SKAP1: variants seen among roughly 807,000 people sequenced by gnomAD.
SKAP1 encodes the protein src kinase-associated phosphoprotein 1.
A neutral mutation model predicts 58.5 loss-of-function variants in SKAP1; 44 were observed. The observed-to-expected ratio is 0.75, with a 90% CI of 0.59 to 0.97. The LOEUF is 0.97. Among genes scored for constraint, SKAP1 ranks in the 50% least tolerant of loss-of-function variants. SKAP1 has a pLI of 0.00. For synonymous variants in SKAP1, 127 were observed against 149.7 expected (o/e 0.85, Z 1.11); for missense variants, 390 against 435.2 (o/e 0.90, Z 0.92).
intron 4 of SKAP1, among the ~76,000 whole-genome samples, chr17:48,278,248 C>T (rs573992390): frequency 3.9e-5 from 6 of 152,136 alleles, no homozygotes; most frequent in South Asian, 2.1e-4. Context: ...GGGCAGAGAA[C>T]GGACTCTCTT....
intron 4 of SKAP1, among the ~76,000 whole-genome samples, chr17:48,210,969 T>C (rs2064864728): frequency 6.6e-6 from 1 of 152,098 alleles, no homozygotes; most frequent in African/African-American, 2.4e-5. Flanking sequence ...AATAGAGGCC[T>C]TAACAAAATA....
chr17:48,423,583 CT>C (rs375599958), intron 1 of SKAP1, among the ~76,000 whole-genome samples: 2,860 of 151,598 alleles, frequency 0.019, 75 homozygotes, highest in African/African-American at 0.064. Flanking sequence ...GAGGAACCAA[CT>C]TTTTTTTTGT....
At chr17:48,172,553 T>C (rs1423277709) in intron 9 of SKAP1, among the ~76,000 whole-genome samples, 4 of 152,180 alleles carry the variant, frequency 2.6e-5, no homozygotes, top group Non-Finnish European at 5.9e-5. Context: ...ACTCTCTCAC[T>C]CACACATATA....
chr17:48,156,412 T>C (rs771934122), intron 11 of SKAP1: 1 of 438,250 alleles, frequency 2.3e-6, no homozygotes, highest in East Asian at 7.6e-5. Flanking sequence ...GAGCCATTGG[T>C]TACGTATGAG....
intron 4 of SKAP1, among the ~76,000 whole-genome samples, chr17:48,315,314 T>G (rs1345487144): frequency 6.6e-6 from 1 of 152,188 alleles, no homozygotes; most frequent in African/African-American, 2.4e-5. Context: ...ATTCTTAATG[T>G]GGTATCTGTG....
At chr17:48,134,044 T>C (rs1297139933) in intron 12 of SKAP1, among the ~76,000 whole-genome samples, 2 of 149,580 alleles carry the variant, frequency 1.3e-5, no homozygotes, top group East Asian at 3.8e-4. Flanking sequence ...CAAATTTGGC[T>C]CCCATTCTTT....
At chr17:48,351,633 T>A (rs1219548815) in intron 3 of SKAP1, among the ~76,000 whole-genome samples, 3 of 152,176 alleles carry the variant, frequency 2.0e-5, no homozygotes, top group African/African-American at 7.2e-5. Context: ...AAGAAGTAAA[T>A]TGAACCTAAG....
intron 4 of SKAP1, among the ~76,000 whole-genome samples, chr17:48,240,195 A>G (rs1412202359): frequency 6.6e-6 from 1 of 152,084 alleles, no homozygotes; most frequent in African/African-American, 2.4e-5. Flanking sequence ...AAAAAAAGCC[A>G]AAGCTGCAAG....
intron 3 of SKAP1, among the ~76,000 whole-genome samples, chr17:48,356,770 A>G (rs575761456): frequency 6.6e-6 from 1 of 152,328 alleles, no homozygotes; most frequent in South Asian, 2.1e-4. Flanking sequence ...AAATAGTACC[A>G]AAGAATATTC....
chr17:48,309,643 C>G (rs887114851), intron 4 of SKAP1, among the ~76,000 whole-genome samples: 3 of 152,130 alleles, frequency 2.0e-5, no homozygotes, highest in Admixed American at 2.0e-4. Flanking sequence ...AACCTCCCAT[C>G]TATTTGGAAA....
At chr17:48,195,332 A>G (rs1408911984) in intron 4 of SKAP1, among the ~76,000 whole-genome samples, 4 of 152,198 alleles carry the variant, frequency 2.6e-5, no homozygotes, top group African/African-American at 9.7e-5. Flanking sequence ...AGTTGGTTTC[A>G]ATGACTATTC....
intron 3 of SKAP1, among the ~76,000 whole-genome samples, chr17:48,347,105 G>C (rs907641247): frequency 1.1e-4 from 16 of 152,182 alleles, no homozygotes; most frequent in African/African-American, 3.9e-4. Flanking sequence ...GAAGATGTTA[G>C]CTCATTCAGA....
chr17:48,382,064 C>A (rs1425070853), intron 2 of SKAP1, among the ~76,000 whole-genome samples: 1 of 152,010 alleles, frequency 6.6e-6, no homozygotes, highest in Non-Finnish European at 1.5e-5. Context: ...GTTTTCTCAT[C>A]TGCTATATAG....
intron 3 of SKAP1, among the ~76,000 whole-genome samples, chr17:48,363,092 C>A (rs749747649): frequency 6.6e-6 from 1 of 151,992 alleles, no homozygotes; most frequent in Non-Finnish European, 1.5e-5. Context: ...TGTTTGAATT[C>A]GGAAAAAAAT....
At chr17:48,203,470 A>G (rs6504101) in intron 4 of SKAP1, among the ~76,000 whole-genome samples, 127,453 of 152,222 alleles carry the variant, frequency 0.84, 53,427 homozygotes, top group East Asian at 0.95. Context: ...CAAAAGCAGA[A>G]TAGCTCTTCC....
chr17:48,171,231 C>T (rs1209905694), intron 9 of SKAP1, among the ~76,000 whole-genome samples: 1 of 151,034 alleles, frequency 6.6e-6, no homozygotes, highest in Non-Finnish European at 1.5e-5. Flanking sequence ...CTCAGCCTCC[C>T]GAGTAGCTGG....
intron 11 of SKAP1, among the ~76,000 whole-genome samples, chr17:48,138,765 C>G (rs747100266): frequency 1.2e-4 from 18 of 152,120 alleles, no homozygotes; most frequent in Admixed American, 2.6e-4. Flanking sequence ...ATCCACCAGC[C>G]TCGGCCTTGC....
chr17:48,376,348 G>A (rs545121976), intron 2 of SKAP1, among the ~76,000 whole-genome samples: 2 of 152,088 alleles, frequency 1.3e-5, no homozygotes, highest in Non-Finnish European at 2.9e-5. Flanking sequence ...TTATCTGATC[G>A]CACCATAGGA....
chr17:48,389,883 TG>T, intron 2 of SKAP1, among the ~76,000 whole-genome samples: 1 of 152,308 alleles, frequency 6.6e-6, no homozygotes, highest in Non-Finnish European at 1.5e-5. Flanking sequence ...TAAAAAGTCA[TG>T]GGGGTACCAT....
Sources: gnomAD v4.1 joint callset for allele counts (sites outside exome capture counted in the v4.1 genomes callset) on GRCh38, gnomAD v4.1.1 for gene constraint, MANE v1.5 for transcripts, NCBI Gene and HGNC (gene_info 2026-07-23, HGNC 2026-07-21) for gene names.